PKD1L1: variants seen among roughly 807,000 people sequenced by gnomAD.
PKD1L1 encodes the protein polycystin-1-like protein 1.
A neutral mutation model predicts 323.4 loss-of-function variants in PKD1L1; 236 were observed. The ratio of observed to expected loss-of-function variants is 0.73; its 90% CI spans 0.66 to 0.81. The LOEUF is 0.81. Among genes scored for constraint, PKD1L1 ranks in the 40% least tolerant of loss-of-function variants. The pLI is 0.00. For synonymous variants in PKD1L1, 1,344 were observed against 1,335.0 expected, an observed-to-expected ratio of 1.01 and a Z score of -0.15; for missense variants, 3,320 against 3,508.0, an observed-to-expected ratio of 0.95 and a Z score of 1.35.
intron 8 of PKD1L1, among the ~76,000 whole-genome samples, chr7:47,912,815 CAA>C (rs59792729): frequency 0.032 from 2,038 of 63,756 alleles, 14 homozygotes; most frequent in African/African-American, 0.087. Flanking sequence ...GACTGTGTCT[CAA>C]AAAAAAAAAA....
chr7:47,863,484 C>T (rs1207751301), intron 26 of PKD1L1, among the ~76,000 whole-genome samples: 3 of 152,002 alleles, frequency 2.0e-5, no homozygotes, highest in Admixed American at 6.6e-5. Flanking sequence ...GAGATACTGA[C>T]CACGTAACTG....
chr7:47,957,367 G>T, the PKD1L1 span: 1 of 152,180 alleles, frequency 6.6e-6, no homozygotes, highest in African/African-American at 2.4e-5. Flanking sequence ...CATCTAAATC[G>T]GAAAGGAGGA....
At chr7:47,842,038 A>G (rs1234612046) in intron 34 of PKD1L1, among the ~76,000 whole-genome samples, 4 of 152,158 alleles carry the variant, frequency 2.6e-5, no homozygotes, top group Admixed American at 1.3e-4. Flanking sequence ...TATTGTTTTT[A>G]ACCAGGATTT....
chr7:47,823,067 G>T (rs1785178529), intron 45 of PKD1L1, among the ~76,000 whole-genome samples: 7 of 151,222 alleles, frequency 4.6e-5, no homozygotes. Flanking sequence ...TCTTTCTCTT[G>T]CCTATTGCAT....
At chr7:47,917,629 A>G (rs1787456687) in intron 7 of PKD1L1, among the ~76,000 whole-genome samples, 1 of 152,236 alleles carries the variant, frequency 6.6e-6, no homozygotes, top group Non-Finnish European at 1.5e-5. Flanking sequence ...TTAGCAGCAG[A>G]TTTCTCAGCA....
chr7:47,950,517 G>C (rs1251109831), upstream of PKD1L1, among the ~76,000 whole-genome samples: 1 of 152,138 alleles, frequency 6.6e-6, no homozygotes, highest in East Asian at 1.9e-4. Flanking sequence ...ATAGAATTAA[G>C]AATTAGCTGG....
intron 2 of PKD1L1, among the ~76,000 whole-genome samples, chr7:47,940,611 T>G (rs1787966324): frequency 6.6e-6 from 1 of 152,220 alleles, no homozygotes; most frequent in Non-Finnish European, 1.5e-5. Context: ...CCCAGTGGTC[T>G]GGTCATAAAA....
At chr7:47,864,166 C>G (rs944672472) in intron 26 of PKD1L1, among the ~76,000 whole-genome samples, 1 of 152,278 alleles carries the variant, frequency 6.6e-6, no homozygotes, top group Middle Eastern at 3.4e-3. Flanking sequence ...TTGTCCAACA[C>G]TGGGGCACCC....
At chr7:47,931,847 G>A (rs1368759805) in intron 5 of PKD1L1, 89 bp downstream of exon 5, 8 of 1,453,500 alleles carry the variant, frequency 5.5e-6, no homozygotes, top group South Asian at 2.8e-5. Flanking sequence ...CTCTGAGGCC[G>A]CCTACATACG....
chr7:47,802,980 T>C (rs576375591), intron 53 of PKD1L1, among the ~76,000 whole-genome samples: 1 of 152,238 alleles, frequency 6.6e-6, no homozygotes, highest in Non-Finnish European at 1.5e-5. Flanking sequence ...TTGTAAGGTA[T>C]AGTACAGAGC....
At chr7:47,824,990 T>A (rs1434850556) in intron 45 of PKD1L1, among the ~76,000 whole-genome samples, 1 of 152,222 alleles carries the variant, frequency 6.6e-6, no homozygotes, top group Non-Finnish European at 1.5e-5. Flanking sequence ...CGTAAATGAA[T>A]CTATCATTGT....
At chr7:47,888,239 C>A in intron 16 of PKD1L1, 89 bp from the exon 17 acceptor site, 1 of 1,357,388 alleles carries the variant, frequency 7.4e-7, no homozygotes, top group Non-Finnish European at 1.0e-6. Flanking sequence ...GTTTAAATCA[C>A]CCTACTTTGG....
At position 47,775,026 on chromosome 7, in the gene PKD1L1, A is replaced by G; in HGVS notation, c.*117T>C. ...GTTACGTGAACTGGAAAAATTAACA[A>G]AACTTCTTCGTACCTCAGCTCTTCT... is the stretch of plus-strand genomic sequence containing the variant. On this transcript the variant is annotated 3_prime_UTR_variant, in exon 57 of 57. Transcript: ENST00000289672. 1 of 1,144,894 alleles carries G rather than the reference A, an allele frequency of 8.7e-7. No individual in the cohort carries two copies. Among genetic ancestry groups the G allele is most frequent in the Admixed American group, 2.3e-5 (1 of 44,400 alleles). 70.9% of individuals were successfully genotyped at this position (1,144,894 alleles called of 1,614,324 possible). A position where few individuals can be genotyped will look rare whatever the true frequency, so the allele number is the denominator to read the frequency against.
chr7:47,904,217 C>T (rs139032293), intron 12 of PKD1L1, among the ~76,000 whole-genome samples, 161 bp downstream of exon 12: 104 of 152,286 alleles, frequency 6.8e-4, no homozygotes, highest in African/African-American at 2.4e-3. Context: ...ACTAGGAGCT[C>T]CTTGAGAAGC....
chr7:47,847,368 C>T (rs934796713), intron 31 of PKD1L1, among the ~76,000 whole-genome samples: 7 of 152,200 alleles, frequency 4.6e-5, no homozygotes, highest in African/African-American at 1.7e-4. Context: ...ACACCCTGAA[C>T]AGGCCACACC....
chr7:47,833,543 C>T (rs1785393242), intron 40 of PKD1L1, among the ~76,000 whole-genome samples: 1 of 152,150 alleles, frequency 6.6e-6, no homozygotes, highest in African/African-American at 2.4e-5. Flanking sequence ...CATGACCCTG[C>T]CACAGAGGGG....
chr7:47,813,259 G>C lies in PKD1L1; in HGVS notation c.7208C>G (p.Ser2403Cys). The change falls in exon 49 of 57, where the codon TCT (serine) becomes TGT (cysteine). Residue 2403 changes from serine to cysteine, a missense_variant. Ser to Cys is a moderately radical substitution (Grantham distance 112). Transcript: ENST00000289672. ...AACTTCGGGACTACATGTAGGAATA[G>C]AGTCTTCGATGAGTGCTGAAAATGG... Reference protein sequence around the residue: ...PRPFSALIEDSIPTCSPEVGG... With the variant: ...PRPFSALIEDCIPTCSPEVGG... 1.9e-6 allele frequency: 3 copies of C among 1,614,168 alleles called. No individual in the cohort carries two copies. Among genetic ancestry groups the C allele is most frequent in the South Asian group, 1.1e-5 (1 of 91,082 alleles).
intron 22 of PKD1L1, 71 bp from the exon 23 acceptor site, chr7:47,876,288 C>T: frequency 1.3e-6 from 2 of 1,533,150 alleles, no homozygotes; most frequent in East Asian, 2.3e-5. Flanking sequence ...AATACATACA[C>T]ACACAGCTGA....
intron 2 of PKD1L1, 129 bp from the exon 3 acceptor site, chr7:47,940,446 T>C (rs1388949344): frequency 7.4e-6 from 6 of 813,258 alleles, no homozygotes; most frequent in South Asian, 1.9e-5. Context: ...GGGCTGATCA[T>C]GAAGATGCGT....
Sources: allele counts gnomAD v4.1 joint callset (sites outside exome capture counted in the v4.1 genomes callset), GRCh38; gene constraint gnomAD v4.1.1; transcripts MANE v1.5; gene names NCBI Gene and HGNC (gene_info 2026-07-23, HGNC 2026-07-21).